The following SDCCAG8 variants were observed in gnomAD, a reference collection of about 807,000 sequenced individuals.
The protein encoded by SDCCAG8 is SHH signaling and ciliogenesis regulator SDCCAG8.
Under a neutral mutation model 101.8 loss-of-function variants are expected in SDCCAG8, and 74 were observed. The observed-to-expected ratio is 0.73, with a 90% confidence interval of 0.60 to 0.88. SDCCAG8 has a LOEUF of 0.88. Among genes scored for constraint, SDCCAG8 ranks in the 40% least tolerant of loss-of-function variants. SDCCAG8 has a pLI of 0.00. For synonymous variants in SDCCAG8, 281 were observed against 292.9 expected (o/e 0.96, Z 0.41); for missense variants, 787 against 822.6 (o/e 0.96, Z 0.53).
At chr1:243,408,935 C>A (rs886346812) in intron 13 of SDCCAG8, among the ~76,000 whole-genome samples, 1 of 152,028 alleles carries the variant, frequency 6.6e-6, no homozygotes, top group Non-Finnish European at 1.5e-5. Context: ...GAATGAAGAA[C>A]CCCAGTATTA....
intron 16 of SDCCAG8, among the ~76,000 whole-genome samples, chr1:243,439,011 G>A (rs2082343793): frequency 6.6e-6 from 1 of 152,166 alleles, no homozygotes; most frequent in Non-Finnish European, 1.5e-5. Context: ...TAGAACCTGT[G>A]CAAGGATTAA....
In SDCCAG8 at chr1:243,429,095, C is replaced by T. The variant is rs566945226; in HGVS notation, c.1985+2537C>T. Among the ~76,000 whole-genome samples, 115 of 152,236 alleles carry T rather than the reference C, an allele frequency of 7.6e-4. 1 individual carries two copies. Among genetic ancestry groups the T allele is most frequent in the African/African-American group, 2.7e-3 (112 of 41,550 alleles). ...TCCAAGAAGCAGAGAAAAGTCATGACGTTACAAGCAAAAGTTGCATTGCAG... is the reference window on the plus strand; with the variant it reads ...TCCAAGAAGCAGAGAAAAGTCATGATGTTACAAGCAAAAGTTGCATTGCAG... On this transcript the variant is annotated intron_variant, in intron 16 of 17. Coordinates refer to ENST00000366541, the MANE Select transcript of SDCCAG8 (RefSeq NM_006642.5).
At chr1:243,407,443 A>G (rs923028946) in intron 13 of SDCCAG8, among the ~76,000 whole-genome samples, 1 of 152,180 alleles carries the variant, frequency 6.6e-6, no homozygotes, top group African/African-American at 2.4e-5. Context: ...TTTAAAATAG[A>G]AAGTACAGAC....
rs149524574 is a variant in SDCCAG8, at chr1:243,257,534, T to G, written c.67+1294T>G. Among the ~76,000 whole-genome samples the G allele has an allele frequency of 5.7e-3, 862 of 152,306 alleles. 1 individual carries two copies. The highest frequency in any genetic ancestry group is 8.9e-3 in the Non-Finnish European group (605 of 68,010). On this transcript the variant is annotated intron_variant, in intron 1 of 17. Coordinates refer to ENST00000366541, the MANE Select transcript of SDCCAG8 (RefSeq NM_006642.5). Reference sequence around the variant, plus strand: ...AGTAAGGGTAAAGATCAGTGCTTACTAGACAAGCACTCATTAAATGTTAAT... The same window carrying G: ...AGTAAGGGTAAAGATCAGTGCTTACGAGACAAGCACTCATTAAATGTTAAT...
Position 243,396,730 on chromosome 1 carries a change from A to G in SDCCAG8, c.1616+17867A>G, listed in dbSNP as rs189341693. On this transcript the variant is annotated intron_variant, in intron 13 of 17. Coordinates refer to ENST00000366541, the MANE Select transcript of SDCCAG8 (RefSeq NM_006642.5). ...AGTATAATGAGAAGTGCAGACACAC[A>G]TGAAGAAAATACATATCAGCTGTCT... 1.7e-3 allele frequency among the ~76,000 whole-genome samples: 265 copies of G among 152,352 alleles called. 1 individual carries two copies. Among genetic ancestry groups the G allele is most frequent in the Non-Finnish European group, 1.6e-3 (106 of 68,038 alleles).
intron 10 of SDCCAG8, among the ~76,000 whole-genome samples, chr1:243,338,462 G>A (rs974957321): frequency 2.0e-5 from 3 of 150,554 alleles, no homozygotes; most frequent in South Asian, 2.1e-4. Context: ...GGAAGCTGTC[G>A]GAGAACAGAT....
Position 243,378,790 on chromosome 1 carries a change from GC to G in SDCCAG8, c.1546del (p.Leu516TrpfsTer7). 6.2e-7 allele frequency: 1 copy of G among 1,614,104 alleles called. No homozygotes were observed. Among genetic ancestry groups the G allele is most frequent in the Non-Finnish European group, 8.5e-7 (1 of 1,179,992 alleles). On this transcript the variant is annotated frameshift_variant, in exon 13 of 18. Transcript: ENST00000366541. LOFTEE classifies it high-confidence loss of function. Reference protein sequence around the residue: ...QHLEQEQQKAALAREECLRLT... With the variant: ...QHLEQEQQKAXLAREECLRLT... ...CTTGGAACAGGAGCAGCAGAAGGCA[GC>G]CCTGGCCAGAGAGGAGTGCCTGAGA... is the stretch of plus-strand genomic sequence containing the variant.
chr1:243,299,146 G>A (rs904709314), intron 6 of SDCCAG8, among the ~76,000 whole-genome samples: 1 of 152,054 alleles, frequency 6.6e-6, no homozygotes, highest in Non-Finnish European at 1.5e-5. Flanking sequence ...AATTATTCCT[G>A]ACTTTTTATT....
At chr1:243,311,691 G>A (rs575775681) in intron 8 of SDCCAG8, among the ~76,000 whole-genome samples, 1 of 151,928 alleles carries the variant, frequency 6.6e-6, no homozygotes. Context: ...GATGCAGGAG[G>A]ATCACTTGAG....
chr1:243,394,903 A>G (rs1646366735), intron 13 of SDCCAG8, among the ~76,000 whole-genome samples: 1 of 151,272 alleles, frequency 6.6e-6, no homozygotes, highest in Admixed American at 6.6e-5. Context: ...GTATCAAACT[A>G]TCTAAACTTT....
intron 13 of SDCCAG8, among the ~76,000 whole-genome samples, chr1:243,405,844 A>T (rs958580993): frequency 6.6e-6 from 1 of 151,758 alleles, no homozygotes; most frequent in Non-Finnish European, 1.5e-5. Flanking sequence ...CATATTTCTG[A>T]ATAAATTTTA....
At chr1:243,262,841 C>A (rs556650657) in intron 1 of SDCCAG8, among the ~76,000 whole-genome samples, 1 of 152,332 alleles carries the variant, frequency 6.6e-6, no homozygotes, top group African/African-American at 2.4e-5. Flanking sequence ...TGTGCACTGG[C>A]TGAAGCAATC....
At position 243,262,099 on chromosome 1, in the gene SDCCAG8, G is replaced by A. The variant is rs55983292; in HGVS notation, c.67+5859G>A. Among the ~76,000 whole-genome samples, 53 of 125,370 alleles carry A rather than the reference G, an allele frequency of 4.2e-4. 2 individuals are homozygous for A. Among genetic ancestry groups the A allele is most frequent in the Non-Finnish European group, 7.5e-4 (43 of 57,130 alleles). 82.2% of individuals were successfully genotyped at this position (125,370 alleles called of 152,430 possible). A position where few individuals can be genotyped will look rare whatever the true frequency, so the allele number is the denominator to read the frequency against. On this transcript the variant is annotated intron_variant, in intron 1 of 17. Coordinates refer to ENST00000366541, the MANE Select transcript of SDCCAG8 (RefSeq NM_006642.5). The stretch of plus-strand genomic sequence containing the variant: ...TGCTGGGATTACAGGCATGAGCCAC[G>A]GTGCCCGACTTTTTTTTTTTCTTTT...
In SDCCAG8 at chr1:243,265,166, A is replaced by C. The variant is rs148288233; in HGVS notation, c.68-4939A>C. ...TTCACATTAACTGTGTTTATCTGTT[A>C]TAGTATATAATTATGCTGGTTTGTT... On this transcript the variant is annotated intron_variant, in intron 1 of 17. Coordinates refer to ENST00000366541, the MANE Select transcript of SDCCAG8 (RefSeq NM_006642.5). Among the ~76,000 whole-genome samples, 213 of 152,318 alleles carry C rather than the reference A, an allele frequency of 1.4e-3. 1 individual carries two copies. Among genetic ancestry groups the C allele is most frequent in the African/African-American group, 4.9e-3 (203 of 41,570 alleles).
intron 9 of SDCCAG8, among the ~76,000 whole-genome samples, chr1:243,327,060 G>C (rs776401892): frequency 1.3e-5 from 2 of 151,930 alleles, no homozygotes; most frequent in Admixed American, 6.6e-5. Flanking sequence ...TCTGCTGGGT[G>C]GGGGGAATGT....
rs546739643 is a variant in SDCCAG8 at position 243,349,873 on chromosome 1, G to T, written c.1473+5542G>T. On this transcript the variant is annotated intron_variant, in intron 12 of 17. Coordinates refer to ENST00000366541, the MANE Select transcript of SDCCAG8 (RefSeq NM_006642.5). ...CGGCATTGTATAAATTATAATTTTG[G>T]AGTTGTGGCTACTACTGAGTAGAAA... is the stretch of plus-strand genomic sequence containing the variant. Among the ~76,000 whole-genome samples, 3 of 151,398 alleles carry T rather than the reference G, an allele frequency of 2.0e-5. No individual in the cohort carries two copies. The South Asian group carries it at 6.3e-4, about 32-fold the overall frequency.
chr1:243,328,948 T>C (rs746703508), intron 9 of SDCCAG8, among the ~76,000 whole-genome samples: 10 of 152,198 alleles, frequency 6.6e-5, no homozygotes, highest in Non-Finnish European at 1.3e-4. Context: ...AACTTTCTGA[T>C]TGGATATATT....
At chr1:243,423,104 A>C (rs1332161419) in intron 15 of SDCCAG8, among the ~76,000 whole-genome samples, 1 of 152,174 alleles carries the variant, frequency 6.6e-6, no homozygotes, top group Non-Finnish European at 1.5e-5. Flanking sequence ...TTATTGAAAA[A>C]TGGAAGTTGG....
intron 16 of SDCCAG8, chr1:243,476,341 C>T: frequency 1.0e-6 from 1 of 985,444 alleles, no homozygotes; most frequent in Non-Finnish European, 1.2e-6. Flanking sequence ...TGCATTAAAA[C>T]CTAATTAAGA....
Sources: allele counts gnomAD v4.1 joint callset (sites outside exome capture counted in the v4.1 genomes callset), GRCh38; gene constraint gnomAD v4.1.1; transcripts MANE v1.5; gene names NCBI Gene and HGNC (gene_info 2026-07-23, HGNC 2026-07-21).